Variants in PTPRD observed in about 807,000 individuals in gnomAD.
The protein encoded by PTPRD is protein tyrosine phosphatase receptor type D.
A neutral mutation model predicts 214.5 loss-of-function variants in PTPRD; 34 were observed. The ratio of observed to expected loss-of-function variants is 0.16; its 90% CI spans 0.12 to 0.21. The LOEUF is 0.21. PTPRD is among the 10% of genes least tolerant of loss of function. The pLI is 1.00. For synonymous variants in PTPRD, 1,128 were observed against 845.7 expected, an observed-to-expected ratio of 1.33 and a Z score of -5.79; for missense variants, 2,545 against 2,398.7, an observed-to-expected ratio of 1.06 and a Z score of -1.27.
At chr9:9,090,774 T>G (rs921094943) in intron 10 of PTPRD, 11 of 654,892 alleles carry the variant, frequency 1.7e-5, no homozygotes, top group Non-Finnish European at 3.0e-5. Flanking sequence ...TTGCATCCTC[T>G]TTAGCTGAGT....
At chr9:9,623,389 A>C (rs532545901) in intron 7 of PTPRD, among the ~76,000 whole-genome samples, 1 of 151,896 alleles carries the variant, frequency 6.6e-6, no homozygotes, top group East Asian at 1.9e-4. Flanking sequence ...ACTTTTAAAA[A>C]CCCCTCATTA....
intron 11 of PTPRD, among the ~76,000 whole-genome samples, chr9:8,995,019 G>A (rs2099391127): frequency 6.6e-6 from 1 of 151,950 alleles, no homozygotes; most frequent in Admixed American, 6.6e-5. Context: ...AGACATAAGA[G>A]CAAGTAAAGG....
intron 4 of PTPRD, among the ~76,000 whole-genome samples, chr9:9,994,037 T>A (rs776244178): frequency 9.9e-5 from 15 of 152,110 alleles, no homozygotes; most frequent in Non-Finnish European, 2.1e-4. Context: ...TGGGGGACAA[T>A]TTATCCCCAT....
intron 5 of PTPRD, among the ~76,000 whole-genome samples, chr9:9,779,502 C>T (rs1335302760): frequency 1.3e-5 from 2 of 151,926 alleles, no homozygotes; most frequent in Non-Finnish European, 2.9e-5. Context: ...TAAACAAATG[C>T]AACAAGCAAA....
chr9:8,815,993 C>A (rs995519385), intron 11 of PTPRD, among the ~76,000 whole-genome samples: 1 of 152,172 alleles, frequency 6.6e-6, no homozygotes. Context: ...ACAGAGCAGA[C>A]ATTTACCCCA....
intron 3 of PTPRD, among the ~76,000 whole-genome samples, chr9:10,276,573 A>G (rs968207858): frequency 1.3e-5 from 2 of 152,238 alleles, no homozygotes; most frequent in African/African-American, 2.4e-5. Context: ...ATAATCTAAT[A>G]TCGAAAGTCA....
intron 9 of PTPRD, among the ~76,000 whole-genome samples, chr9:9,359,706 T>C (rs1323204568): frequency 6.6e-6 from 1 of 151,290 alleles, no homozygotes; most frequent in African/African-American, 2.4e-5. Flanking sequence ...TTTCTTCAGA[T>C]GACTTTCCCA....
intron 2 of PTPRD, among the ~76,000 whole-genome samples, chr9:10,347,656 C>T (rs928103596): frequency 6.6e-6 from 1 of 151,906 alleles, no homozygotes; most frequent in African/African-American, 2.4e-5. Context: ...GGTGACCACC[C>T]ACCTCAGCCT....
chr9:10,125,622 TTGTGTGTGTG>T (rs35164422), intron 3 of PTPRD, among the ~76,000 whole-genome samples: 28 of 139,292 alleles, frequency 2.0e-4, no homozygotes, highest in Non-Finnish European at 2.6e-4. Flanking sequence ...GCTCGGCTAA[TTGTGTGTGTG>T]TGTGTGTGTG....
intron 39 of PTPRD, among the ~76,000 whole-genome samples, chr9:8,358,083 A>G (rs529853315): frequency 6.6e-6 from 1 of 152,288 alleles, no homozygotes; most frequent in East Asian, 1.9e-4. Flanking sequence ...GGATTGTGAC[A>G]CTTCTACTCT....
chr9:10,347,257 T>C (rs1305345955), intron 2 of PTPRD, among the ~76,000 whole-genome samples: 3 of 152,160 alleles, frequency 2.0e-5, no homozygotes, highest in Non-Finnish European at 4.4e-5. Flanking sequence ...TTTTCCTCCA[T>C]GTATTTTTCC....
intron 11 of PTPRD, among the ~76,000 whole-genome samples, chr9:9,004,559 T>C (rs1475040812): frequency 6.6e-6 from 1 of 152,014 alleles, no homozygotes; most frequent in Non-Finnish European, 1.5e-5. Context: ...TTCCCAAATG[T>C]TTCTCTTCCT....
chr9:8,503,330 T>C (rs531510528), intron 23 of PTPRD, among the ~76,000 whole-genome samples: 1 of 152,262 alleles, frequency 6.6e-6, no homozygotes, highest in South Asian at 2.1e-4. Flanking sequence ...ATTCAATGTA[T>C]TTCTACTACA....
At chr9:10,086,944 G>T (rs186697591) in intron 3 of PTPRD, among the ~76,000 whole-genome samples, 3 of 151,772 alleles carry the variant, frequency 2.0e-5, no homozygotes, top group East Asian at 3.9e-4. Context: ...CCACTTTTAG[G>T]AAATATTAAG....
intron 2 of PTPRD, among the ~76,000 whole-genome samples, chr9:10,431,676 C>T (rs2098680374): frequency 6.6e-6 from 1 of 152,042 alleles, no homozygotes; most frequent in African/African-American, 2.4e-5. Flanking sequence ...CCAAAAAGCA[C>T]ATGAAAAAAT....
chr9:10,396,847 G>C (rs1474671334), intron 2 of PTPRD, among the ~76,000 whole-genome samples: 1 of 151,990 alleles, frequency 6.6e-6, no homozygotes, highest in African/African-American at 2.4e-5. Flanking sequence ...TGGGGAGGCA[G>C]GCATAGATTG....
intron 3 of PTPRD, among the ~76,000 whole-genome samples, chr9:10,151,393 G>A (rs1592504351): frequency 6.6e-6 from 1 of 150,740 alleles, no homozygotes; most frequent in Non-Finnish European, 1.5e-5. Flanking sequence ...CTCCCGAGTA[G>A]CTGGGATTAC....
chr9:9,187,091 C>G (rs1015091940), intron 9 of PTPRD, among the ~76,000 whole-genome samples: 1 of 151,862 alleles, frequency 6.6e-6, no homozygotes, highest in East Asian at 1.9e-4. Flanking sequence ...GATTTTCACT[C>G]TAAATTAGAA....
At chr9:10,033,488 C>T (rs752353441) in intron 4 of PTPRD, among the ~76,000 whole-genome samples, 1 of 151,802 alleles carries the variant, frequency 6.6e-6, no homozygotes, top group Non-Finnish European at 1.5e-5. Flanking sequence ...TTTATTCCAG[C>T]ACATAATTTT....
Sources: gnomAD v4.1 joint callset for allele counts (sites outside exome capture counted in the v4.1 genomes callset) on GRCh38, gnomAD v4.1.1 for gene constraint, MANE v1.5 for transcripts, NCBI Gene and HGNC (gene_info 2026-07-23, HGNC 2026-07-21) for gene names.